The following CSMD1 variants were observed in gnomAD, a reference collection of about 807,000 sequenced individuals.
CSMD1 encodes the protein CUB and Sushi multiple domains 1.
Under a neutral mutation model 417.5 loss-of-function variants are expected in CSMD1, and 213 were observed. The ratio of observed to expected loss-of-function variants is 0.51; its 90% CI spans 0.46 to 0.57. The LOEUF is 0.57. Ranked by LOEUF, CSMD1 falls within the 20% of genes least tolerant of loss-of-function variation. The pLI, the probability that CSMD1 is intolerant of heterozygous loss-of-function variation, is 0.00. For missense variants in CSMD1, 6,923 were observed against 4,529.7 expected, an observed-to-expected ratio of 1.53 and a Z score of -15.17; for synonymous variants, 2,862 against 1,736.8, an observed-to-expected ratio of 1.65 and a Z score of -16.11.
At position 4,481,625 on chromosome 8, in the gene CSMD1, G is replaced by A. The variant is rs551065501; in HGVS notation, c.303-61560C>T. Reference sequence around the variant, plus strand: ...CCTTATAAAATAAACTTTAACACATGAGGAAATAAAAGCACCAAGAGGTTA... The same window carrying A: ...CCTTATAAAATAAACTTTAACACATAAGGAAATAAAAGCACCAAGAGGTTA... On this transcript the variant is annotated intron_variant, in intron 2 of 69. Transcript: ENST00000635120. Among the ~76,000 whole-genome samples, 8 of 152,248 alleles carry A rather than the reference G, an allele frequency of 5.3e-5. No individual in the cohort carries two copies. In the South Asian group the frequency reaches 1.5e-3, roughly 28 times the overall value.
chr8:4,369,182 T>G (rs140988985), intron 3 of CSMD1, among the ~76,000 whole-genome samples: 201 of 152,296 alleles, frequency 1.3e-3, no homozygotes, highest in African/African-American at 4.5e-3. Context: ...TTTTTTTGAT[T>G]TCTGACTTAA....
chr8:4,547,495 CTT>C (rs1219046519), intron 2 of CSMD1, among the ~76,000 whole-genome samples: 2 of 152,184 alleles, frequency 1.3e-5, no homozygotes, highest in Non-Finnish European at 2.9e-5. Context: ...TTTCTGGCCT[CTT>C]TTTTTCTACC....
intron 49 of CSMD1, among the ~76,000 whole-genome samples, chr8:3,061,703 A>G (rs1812600058): frequency 6.6e-6 from 1 of 152,206 alleles, no homozygotes; most frequent in Non-Finnish European, 1.5e-5. Flanking sequence ...CGAAATCTCT[A>G]TGTTTCAACA....
chr8:3,736,727 G>A (rs1372523330), intron 6 of CSMD1, among the ~76,000 whole-genome samples: 4 of 152,150 alleles, frequency 2.6e-5, no homozygotes, highest in Admixed American at 2.0e-4. Flanking sequence ...CACACTGCCT[G>A]GCTTCAAATT....
At chr8:3,836,299 G>C (rs558514960) in intron 5 of CSMD1, among the ~76,000 whole-genome samples, 3 of 152,112 alleles carry the variant, frequency 2.0e-5, no homozygotes, top group African/African-American at 4.8e-5. Context: ...CTTGTAACAA[G>C]TCAAAGCAGT....
At chr8:3,520,642 C>A (rs1207765905) in intron 10 of CSMD1, among the ~76,000 whole-genome samples, 1 of 152,116 alleles carries the variant, frequency 6.6e-6, no homozygotes, top group East Asian at 1.9e-4. Context: ...GGTTCACCTG[C>A]ATCTCCGGGT....
intron 1 of CSMD1, among the ~76,000 whole-genome samples, chr8:4,690,554 T>G (rs1806701658): frequency 1.3e-5 from 2 of 152,172 alleles, no homozygotes; most frequent in African/African-American, 4.8e-5. Flanking sequence ...ACATCGCACT[T>G]CAGAAAAAGG....
chr8:3,775,113 G>A (rs1457890722), intron 5 of CSMD1, among the ~76,000 whole-genome samples: 2 of 152,300 alleles, frequency 1.3e-5, no homozygotes, highest in East Asian at 1.9e-4. Flanking sequence ...TTTTTAGACT[G>A]CTGTTGACCG....
chr8:4,415,752 T>A (rs1376255821), intron 3 of CSMD1, among the ~76,000 whole-genome samples: 1 of 152,222 alleles, frequency 6.6e-6, no homozygotes, highest in African/African-American at 2.4e-5. Flanking sequence ...CACTTACACT[T>A]GTGCACGTAT....
intron 5 of CSMD1, among the ~76,000 whole-genome samples, chr8:3,945,119 C>A (rs767080896): frequency 6.8e-6 from 1 of 146,458 alleles, no homozygotes; most frequent in Non-Finnish European, 1.5e-5. Context: ...TAAAATTAAG[C>A]CTTTGTAAGT....
intron 5 of CSMD1, among the ~76,000 whole-genome samples, chr8:3,799,690 C>T (rs1278614460): frequency 3.3e-5 from 5 of 151,514 alleles, no homozygotes; most frequent in Non-Finnish European, 7.4e-5. Flanking sequence ...CCTTATCTGA[C>T]AGTTAAGTCT....
intron 5 of CSMD1, among the ~76,000 whole-genome samples, chr8:3,961,204 C>G (rs1009586542): frequency 1.3e-5 from 2 of 152,012 alleles, no homozygotes; most frequent in Admixed American, 6.6e-5. Flanking sequence ...AAGTCATTGT[C>G]TCAATTAAGG....
chr8:4,125,775 T>C (rs576339071), intron 3 of CSMD1, among the ~76,000 whole-genome samples: 1 of 152,158 alleles, frequency 6.6e-6, no homozygotes, highest in East Asian at 1.9e-4. Context: ...TATCAACTGA[T>C]AGAGCCCTTA....
At chr8:4,491,459 T>C (rs147373816) in intron 2 of CSMD1, among the ~76,000 whole-genome samples, 5 of 152,270 alleles carry the variant, frequency 3.3e-5, no homozygotes, top group Middle Eastern at 3.4e-3. Context: ...TGAAAGGATA[T>C]GTTAAACAGC....
intron 41 of CSMD1, among the ~76,000 whole-genome samples, chr8:3,129,578 C>T (rs1364861022): frequency 6.6e-6 from 1 of 151,994 alleles, no homozygotes; most frequent in Non-Finnish European, 1.5e-5. Context: ...AGTTCAAGAC[C>T]AGCCTGCCCA....
intron 3 of CSMD1, among the ~76,000 whole-genome samples, chr8:4,106,752 C>T (rs536252026): frequency 1.4e-4 from 21 of 151,990 alleles, no homozygotes; most frequent in South Asian, 4.2e-4. Flanking sequence ...CAACAGACCC[C>T]GCACAGCTAG....
At chr8:3,182,452 T>G (rs1585579587) in intron 36 of CSMD1, among the ~76,000 whole-genome samples, 1 of 152,090 alleles carries the variant, frequency 6.6e-6, no homozygotes, top group East Asian at 1.9e-4. Flanking sequence ...TGACCTCAAG[T>G]GATCTGCTTG....
chr8:4,614,877 TTAA>T (rs1220618818), intron 2 of CSMD1, among the ~76,000 whole-genome samples: 3 of 152,232 alleles, frequency 2.0e-5, no homozygotes, highest in African/African-American at 4.8e-5. Flanking sequence ...TAAAGTATTA[TTAA>T]TATTTTCTCT....
At chr8:3,872,643 T>C (rs552384434) in intron 5 of CSMD1, among the ~76,000 whole-genome samples, 1 of 152,294 alleles carries the variant, frequency 6.6e-6, no homozygotes, top group East Asian at 1.9e-4. Flanking sequence ...TTTCTCTTAA[T>C]TTATTAATGA....
Sources: allele counts gnomAD v4.1 joint callset (sites outside exome capture counted in the v4.1 genomes callset), GRCh38; gene constraint gnomAD v4.1.1; transcripts MANE v1.5; gene names NCBI Gene and HGNC (gene_info 2026-07-23, HGNC 2026-07-21).